ZNRF3: variants seen among roughly 807,000 people sequenced by gnomAD.
ZNRF3 encodes the protein E3 ubiquitin-protein ligase ZNRF3.
Under a neutral mutation model 72.5 loss-of-function variants are expected in ZNRF3, and 23 were observed. The ratio of observed to expected loss-of-function variants is 0.32; its 90% confidence interval spans 0.23 to 0.45. ZNRF3 has a LOEUF of 0.45. Among genes scored for constraint, ZNRF3 ranks in the 20% least tolerant of loss-of-function variants. The pLI, the probability that ZNRF3 is intolerant of heterozygous loss-of-function variation, is 1.00. For missense variants in ZNRF3, 1,169 were observed against 1,272.1 expected (o/e 0.92, Z 1.23); for synonymous variants, 610 against 545.3 (o/e 1.12, Z -1.65).
At chr22:28,897,435 C>G (rs1408727086) in intron 1 of ZNRF3, among the ~76,000 whole-genome samples, 2 of 152,238 alleles carry the variant, frequency 1.3e-5, no homozygotes, top group African/African-American at 4.8e-5. Context: ...GCCCTCCTGC[C>G]TTAGCCTCTT....
At chr22:28,929,282 C>T (rs1288074007) in intron 1 of ZNRF3, among the ~76,000 whole-genome samples, 1 of 152,172 alleles carries the variant, frequency 6.6e-6, no homozygotes. Context: ...CTTGGGATTC[C>T]TTTTTCCTTA....
At chr22:29,000,666 A>G (rs375933831) in intron 2 of ZNRF3, among the ~76,000 whole-genome samples, 1 of 152,186 alleles carries the variant, frequency 6.6e-6, no homozygotes, top group African/African-American at 2.4e-5. Context: ...ATTTATAAAG[A>G]AAGAGGTTGA....
intron 1 of ZNRF3, among the ~76,000 whole-genome samples, chr22:28,969,275 AG>A (rs2035528910): frequency 6.6e-6 from 1 of 152,252 alleles, no homozygotes; most frequent in Non-Finnish European, 1.5e-5. Context: ...CTGTGGCTTC[AG>A]CATTCATCTT....
intron 1 of ZNRF3, among the ~76,000 whole-genome samples, chr22:28,894,961 G>A (rs1269163389): frequency 6.6e-6 from 1 of 152,138 alleles, no homozygotes; most frequent in Admixed American, 6.6e-5. Context: ...CCCTTCAGCA[G>A]GTACACAGGC....
intron 2 of ZNRF3, among the ~76,000 whole-genome samples, chr22:28,994,539 G>A (rs2036016987): frequency 6.6e-6 from 1 of 151,860 alleles, no homozygotes; most frequent in Non-Finnish European, 1.5e-5. Flanking sequence ...AGTCAAATCC[G>A]TAGAGACAGA....
At chr22:28,895,191 A>C (rs2033968276) in intron 1 of ZNRF3, among the ~76,000 whole-genome samples, 1 of 152,184 alleles carries the variant, frequency 6.6e-6, no homozygotes, top group African/African-American at 2.4e-5. Flanking sequence ...CATGAGTCTC[A>C]AGTTATGCTA....
At chr22:28,953,911 T>C (rs5752842) in intron 1 of ZNRF3, among the ~76,000 whole-genome samples, 5,097 of 152,290 alleles carry the variant, frequency 0.033, 154 homozygotes, top group East Asian at 0.11. Context: ...GGCACTTATT[T>C]GTATGTGACA....
At chr22:28,979,338 CT>C (rs2035727019) in intron 1 of ZNRF3, among the ~76,000 whole-genome samples, 2 of 152,086 alleles carry the variant, frequency 1.3e-5, no homozygotes, top group Non-Finnish European at 2.9e-5. Flanking sequence ...TTGAGACTTG[CT>C]TTTTTGGGGA....
chr22:29,029,780 C>T (rs2036711265), intron 2 of ZNRF3, among the ~76,000 whole-genome samples: 1 of 152,214 alleles, frequency 6.6e-6, no homozygotes, highest in Non-Finnish European at 1.5e-5. Flanking sequence ...CTGTGAGGAA[C>T]TCAGCCTTCA....
chr22:28,949,106 A>G (rs1158366370), intron 1 of ZNRF3, among the ~76,000 whole-genome samples: 2 of 151,412 alleles, frequency 1.3e-5, no homozygotes, highest in Non-Finnish European at 1.5e-5. Flanking sequence ...CACCCTCATG[A>G]GTAGCTGGAA....
rs1169333902 is a variant in ZNRF3 at position 29,030,324 on chromosome 22, C to G, written c.427-12171C>G. Among the ~76,000 whole-genome samples the G allele has an allele frequency of 6.6e-6, 1 of 152,190 alleles. No individual in the cohort carries two copies. The highest frequency in any genetic ancestry group is 1.5e-5 in the Non-Finnish European group (1 of 68,036). On this transcript the variant is annotated intron_variant, in intron 2 of 8. Coordinates refer to ENST00000544604, the MANE Select transcript of ZNRF3 (RefSeq NM_001206998.2). The surrounding 1 kb of genome is among the most constrained non-coding windows in gnomAD (Gnocchi z 4.2). The stretch of plus-strand genomic sequence containing the variant: ...CAACCTGTGCAATGGCGCCGCGACC[C>G]GGCCGCGGACTCCAGCCTCTAAAGT...
chr22:28,914,249 T>C (rs2034369201), intron 1 of ZNRF3, among the ~76,000 whole-genome samples: 1 of 152,152 alleles, frequency 6.6e-6, no homozygotes, highest in Non-Finnish European at 1.5e-5. Flanking sequence ...TATCTGGTTT[T>C]GGAGACCTGG....
At chr22:29,035,975 G>A (rs930922809) in intron 2 of ZNRF3, among the ~76,000 whole-genome samples, 3 of 152,120 alleles carry the variant, frequency 2.0e-5, no homozygotes, top group Non-Finnish European at 2.9e-5. Flanking sequence ...CCAAGTAGCT[G>A]GGATTATAGG....
In ZNRF3 at chr22:29,050,412, G is replaced by T. The variant is rs2037177812; in HGVS notation, c.2231G>T (p.Gly744Val). Residue 744 changes from glycine to valine, a missense_variant, in exon 8 of 9, where the codon GGC (glycine) becomes GTC (valine). Physicochemically the swap from Gly to Val is moderately radical, Grantham distance 109 (BLOSUM62 -3). This residue lies in a region of ZNRF3 where 783 missense variants were observed against 731.4 expected (regional missense o/e 1.07). Coordinates refer to ENST00000544604, the MANE Select transcript of ZNRF3 (RefSeq NM_001206998.2). ...GGGCCCCACCTCTACGAGGGCTCTG[G>T]CCCGGCGGGTGGGGAGCCCCAGTCA... ...FLGPHLYEGS[G>V]PAGGEPQSGS... The T allele has an allele frequency of 6.2e-7, 1 of 1,606,814 alleles. No homozygotes were observed. The highest frequency in any genetic ancestry group is 8.5e-7 in the Non-Finnish European group (1 of 1,176,008).
intron 2 of ZNRF3, among the ~76,000 whole-genome samples, chr22:29,021,242 A>T (rs933585260): frequency 2.6e-5 from 4 of 151,902 alleles, no homozygotes; most frequent in Non-Finnish European, 5.9e-5. Flanking sequence ...CAAAAAAAAT[A>T]AATAAATAAA....
chr22:29,017,926 G>A lies in ZNRF3; in HGVS notation c.427-24569G>A, dbSNP rs530263481. The A allele has an allele frequency of 3.7e-5, 19 of 512,990 alleles. No individual in the cohort carries two copies. The East Asian group carries it at 6.0e-4, about 16-fold the overall frequency. The allele number at this position is 512,990 out of a possible 1,614,324, so 31.8% of individuals were successfully genotyped here. ...TAGATGTGTCCTTAAGCATTGAAGC[G>A]CTTTGAGAGGTAATCAAGGGTCCAG... On this transcript the variant is annotated intron_variant, in intron 2 of 8. Transcript: ENST00000544604.
At chr22:28,910,782 T>G (rs1052275161) in intron 1 of ZNRF3, among the ~76,000 whole-genome samples, 4 of 151,998 alleles carry the variant, frequency 2.6e-5, no homozygotes, top group African/African-American at 4.8e-5. Context: ...CAGAGAAAGG[T>G]CTTGGGGGTG....
At chr22:28,941,711 T>A (rs1013120766) in intron 1 of ZNRF3, among the ~76,000 whole-genome samples, 4 of 151,938 alleles carry the variant, frequency 2.6e-5, no homozygotes, top group Admixed American at 6.6e-5. Flanking sequence ...AGGCCCAAAG[T>A]CCTCAAGTGA....
At chr22:28,960,005 A>G (rs1020173206) in intron 1 of ZNRF3, among the ~76,000 whole-genome samples, 11 of 152,094 alleles carry the variant, frequency 7.2e-5, no homozygotes, top group African/African-American at 2.7e-4. Flanking sequence ...GTACTTTGTT[A>G]TGATAGCCTG....
Sources: allele counts gnomAD v4.1 joint callset (sites outside exome capture counted in the v4.1 genomes callset), GRCh38; gene constraint gnomAD v4.1.1; regional missense constraint gnomAD v4.1.1; non-coding constraint Gnocchi (gnomAD v3.1); transcripts MANE v1.5; gene names NCBI Gene and HGNC (gene_info 2026-07-23, HGNC 2026-07-21).